The following MRC2 variants were observed in gnomAD, a reference collection of about 807,000 sequenced individuals.
The protein encoded by MRC2 is mannose receptor C-type 2, also known as C-type mannose receptor 2.
Under a neutral mutation model 206.2 loss-of-function variants are expected in MRC2, and 84 were observed. That is an observed-to-expected ratio of 0.41 (90% confidence interval 0.34 to 0.49). The LOEUF is 0.49. MRC2 is among the 20% of genes least tolerant of loss of function. MRC2 has a pLI of 0.31. For missense variants in MRC2, 1,676 were observed against 2,001.5 expected (o/e 0.84, Z 3.10); for synonymous variants, 798 against 800.0 (o/e 1.00, Z 0.04).
chr17:62,668,162 G>T (rs907578168), intron 6 of MRC2, among the ~76,000 whole-genome samples: 1 of 151,980 alleles, frequency 6.6e-6, no homozygotes, highest in Non-Finnish European at 1.5e-5. Flanking sequence ...TTCAAGACCA[G>T]CCTGGGCAAC....
chr17:62,636,461 ATTTTTTT>A (rs60774612), intron 1 of MRC2, among the ~76,000 whole-genome samples: 2 of 76,934 alleles, frequency 2.6e-5, no homozygotes, highest in South Asian at 5.6e-4. Context: ...TAATCTTCTG[ATTTTTTT>A]TTTTTTTTTT....
intron 1 of MRC2, among the ~76,000 whole-genome samples, chr17:62,659,385 C>G (rs549346946): frequency 3.3e-5 from 5 of 152,184 alleles, no homozygotes; most frequent in East Asian, 3.9e-4. Flanking sequence ...ACTAAAAATA[C>G]AAAAATTAGC....
At chr17:62,653,194 C>T (rs937707606) in intron 1 of MRC2, among the ~76,000 whole-genome samples, 4 of 152,140 alleles carry the variant, frequency 2.6e-5, no homozygotes, top group African/African-American at 9.7e-5. Context: ...CAAGGGGGGC[C>T]TGGGGGAGGA....
intron 1 of MRC2, among the ~76,000 whole-genome samples, chr17:62,645,474 CATA>C (rs976992476): frequency 3.2e-5 from 4 of 126,262 alleles, no homozygotes; most frequent in South Asian, 2.6e-4. Context: ...TATATATACA[CATA>C]ATATGTGTGT....
At position 62,672,018 on chromosome 17, in the gene MRC2, G is replaced by A. The variant is rs1254465754; in HGVS notation, c.1327G>A (p.Gly443Ser). ...IKQEVEELWI[G>S]LNDLKLQMNF... The stretch of plus-strand genomic sequence containing the variant: ...CCCAGAGGTGGAGGAGCTGTGGATC[G>A]GCCTCAACGATTTGAAACTGCAGAT... Residue 443 changes from glycine (G) to serine (S), a missense_variant, in exon 8 of 30, where the codon GGC becomes AGC. Coordinates refer to ENST00000303375, the MANE Select transcript of MRC2 (RefSeq NM_006039.5). This position sits in a 1 kb window ranked among gnomAD's most constrained non-coding sequence, Gnocchi z 4.5. 1 of 1,614,096 alleles carries A rather than the reference G, an allele frequency of 6.2e-7. No homozygotes were observed. Among genetic ancestry groups the A allele is most frequent in the Non-Finnish European group, 8.5e-7 (1 of 1,180,022 alleles).
chr17:62,641,913 G>GTGTC (rs2088409639), intron 1 of MRC2, among the ~76,000 whole-genome samples: 1 of 152,178 alleles, frequency 6.6e-6, no homozygotes, highest in East Asian at 1.9e-4. Context: ...GTGTGTGTGT[G>GTGTC]TGTGTGGTGG....
intron 1 of MRC2, among the ~76,000 whole-genome samples, chr17:62,647,450 G>C (rs929549031): frequency 2.6e-5 from 4 of 151,908 alleles, no homozygotes; most frequent in Non-Finnish European, 5.9e-5. Context: ...CTCCTGAAGT[G>C]CTGAGATTAC....
chr17:62,664,466 A>C lies in MRC2; in HGVS notation c.119-82A>C. On this transcript the variant is annotated intron_variant, in intron 1 of 29. Coordinates refer to ENST00000303375, the MANE Select transcript of MRC2 (RefSeq NM_006039.5). This position sits in a 1 kb window ranked among gnomAD's most constrained non-coding sequence, Gnocchi z 4.7. ...CACCATCCTGCACTGGGCACATGGT[A>C]GGTGCCTGTCAGCCACACCGGTCAT... 2.1e-6 allele frequency: 3 copies of C among 1,439,898 alleles called. No homozygotes were observed. Among genetic ancestry groups the C allele is most frequent in the Non-Finnish European group, 2.8e-6 (3 of 1,059,068 alleles). 89.2% of individuals were successfully genotyped at this position (1,439,898 alleles called of 1,614,324 possible). A position where few individuals can be genotyped will look rare whatever the true frequency, so the allele number is the denominator to read the frequency against.
At chr17:62,634,818 C>T (rs1160601067) in intron 1 of MRC2, among the ~76,000 whole-genome samples, 2 of 151,650 alleles carry the variant, frequency 1.3e-5, no homozygotes, top group African/African-American at 2.4e-5. Context: ...GGTTTGAACA[C>T]CTCTGATACA....
intron 1 of MRC2, among the ~76,000 whole-genome samples, chr17:62,637,926 T>C (rs2088345189): frequency 6.6e-6 from 1 of 152,146 alleles, no homozygotes; most frequent in Non-Finnish European, 1.5e-5. Flanking sequence ...CAGGCTGGAG[T>C]GCAATGGCAC....
At chr17:62,656,053 C>T (rs1003535172) in intron 1 of MRC2, among the ~76,000 whole-genome samples, 6 of 152,022 alleles carry the variant, frequency 3.9e-5, no homozygotes, top group Admixed American at 1.3e-4. Context: ...CCACACCTGG[C>T]TAATTTTTTT....
chr17:62,672,293 A>T lies in MRC2; in HGVS notation c.1461+141A>T. 1 of 953,516 alleles carries T rather than the reference A, an allele frequency of 1.0e-6. No homozygotes were observed. Among genetic ancestry groups the T allele is most frequent in the East Asian group, 2.6e-5 (1 of 38,152 alleles). The allele number at this position is 953,516 out of a possible 1,614,324, so 59.1% of individuals were successfully genotyped here. A position where few individuals can be genotyped will look rare whatever the true frequency, so the allele number is the denominator to read the frequency against. On this transcript the variant is annotated intron_variant, in intron 8 of 29. Transcript: ENST00000303375. This position sits in a 1 kb window ranked among gnomAD's most constrained non-coding sequence, Gnocchi z 4.5. The stretch of plus-strand genomic sequence containing the variant: ...CTCAGCAGTCCCCCTCCTCCCCACC[A>T]ATGCCTTCCCTTCCATGTGAGAGAC...
At chr17:62,689,791 C>T (rs1401753272) in intron 24 of MRC2, 31 bp downstream of exon 24, 1 of 1,529,196 alleles carries the variant, frequency 6.5e-7, no homozygotes. Context: ...CCCTGGGCCC[C>T]AGCCTTGCCC....
At chr17:62,681,599 C>CA in intron 18 of MRC2, 1 of 519,344 alleles carries the variant, frequency 1.9e-6, no homozygotes, top group East Asian at 3.6e-5. Flanking sequence ...CTGGAGTCCT[C>CA]AGGCTTCTTT....
chr17:62,655,178 C>T (rs1000647873), intron 1 of MRC2, among the ~76,000 whole-genome samples: 22 of 150,382 alleles, frequency 1.5e-4, no homozygotes, highest in African/African-American at 2.2e-4. Context: ...CCCAGCTACT[C>T]GGGAGGCTGA....
intron 1 of MRC2, among the ~76,000 whole-genome samples, chr17:62,632,861 C>T (rs976753933): frequency 6.6e-6 from 1 of 152,192 alleles, no homozygotes; most frequent in Non-Finnish European, 1.5e-5. Context: ...CAGCCTTCCC[C>T]AGCCTTCCCT....
In MRC2 at chr17:62,679,710, G is replaced by C. The variant is rs957043640; in HGVS notation, c.2196-90G>C. The stretch of plus-strand genomic sequence containing the variant: ...GCCCCAGGCCCTGGGGGCTGCCCCG[G>C]TCACAGCTGCAAGGGACAGGGGGCA... On this transcript the variant is annotated intron_variant, in intron 13 of 29. Transcript: ENST00000303375. The C allele has an allele frequency of 1.5e-5, 19 of 1,284,028 alleles. No individual in the cohort carries two copies. In the East Asian group the frequency reaches 4.7e-4, roughly 32 times the overall value. The allele number at this position is 1,284,028 out of a possible 1,614,324, so 79.5% of individuals were successfully genotyped here. A position where few individuals can be genotyped will look rare whatever the true frequency, so the allele number is the denominator to read the frequency against.
intron 1 of MRC2, among the ~76,000 whole-genome samples, chr17:62,639,030 T>A (rs1247857090): frequency 3.3e-5 from 5 of 152,304 alleles, no homozygotes; most frequent in African/African-American, 1.2e-4. Flanking sequence ...TAGCAAGCTG[T>A]CACATAGAAA....
chr17:62,657,845 AAG>A (rs1305766069), intron 1 of MRC2, among the ~76,000 whole-genome samples: 1 of 152,124 alleles, frequency 6.6e-6, no homozygotes, highest in Non-Finnish European at 1.5e-5. Context: ...GCCTTGGAGA[AAG>A]AGCCTCTTTT....
Sources: allele counts gnomAD v4.1 joint callset (sites outside exome capture counted in the v4.1 genomes callset), GRCh38; gene constraint gnomAD v4.1.1; non-coding constraint Gnocchi (gnomAD v3.1); transcripts MANE v1.5; gene names NCBI Gene and HGNC (gene_info 2026-07-23, HGNC 2026-07-21).